RNF222: variants seen among roughly 807,000 people sequenced by gnomAD.
The protein encoded by RNF222 is ring finger protein 222.
A neutral mutation model predicts 10.8 loss-of-function variants in RNF222; 14 were observed. The ratio of observed to expected loss-of-function variants is 1.30; its 90% CI spans 0.86 to 2.03. The LOEUF (loss-of-function observed/expected upper bound fraction) is 2.03, where lower values mean the gene tolerates loss of function less well. Among genes scored for constraint, RNF222 ranks in the 30% most tolerant of loss-of-function variants. The pLI is 0.00. For missense variants in RNF222, 298 were observed against 295.8 expected, an observed-to-expected ratio of 1.01 and a Z score of -0.06; for synonymous variants, 141 against 142.5, an observed-to-expected ratio of 0.99 and a Z score of 0.07.
At position 8,391,131 on chromosome 17, in the gene RNF222, A is replaced by C. The variant is rs915827736; in HGVS notation, c.*1668T>G. ...ACCTCCGCCTCCCGGGTTCAAGCGA[A>C]TCTTCTGTCTCTCCCAGGTAGCTGG... On this transcript the variant is annotated 3_prime_UTR_variant, in exon 3 of 3. Coordinates refer to ENST00000399398, the MANE Select transcript of RNF222 (RefSeq NM_001146684.3). 4 of 151,982 alleles carry C rather than the reference A, an allele frequency of 2.6e-5. No homozygotes were observed. The highest frequency in any genetic ancestry group is 4.4e-5 in the Non-Finnish European group (3 of 68,074). The allele number at this position is 151,982 out of a possible 1,614,324, so 9.4% of individuals were successfully genotyped here.
chr17:8,393,026 C>A lies in RNF222; in HGVS notation c.436G>T (p.Glu146Ter), dbSNP rs1440774595. Residue 146 changes from glutamate to a stop codon, truncating the protein, a stop_gained, in exon 3 of 3, where the codon GAG becomes TAG. Transcript: ENST00000399398. LOFTEE classifies it high-confidence loss of function. ...PLDLLPSLPRESQIFVISRHG... is the reference protein window; with the variant it reads ...PLDLLPSLPR ...CGGCTGATGACAAAGATCTGTGACT[C>A]CCGGGGCAGGCTGGGCAGCAGGTCC... 1.3e-6 allele frequency: 2 copies of A among 1,503,506 alleles called. No individual in the cohort carries two copies. The highest frequency in any genetic ancestry group is 1.7e-4 in the Middle Eastern group (1 of 5,796). The allele number at this position is 1,503,506 out of a possible 1,614,324, so 93.1% of individuals were successfully genotyped here. A position where few individuals can be genotyped will look rare whatever the true frequency, so the allele number is the denominator to read the frequency against.
chr17:8,396,712 C>G (rs1318338800), intron 1 of RNF222, among the ~76,000 whole-genome samples: 1 of 152,210 alleles, frequency 6.6e-6, no homozygotes, highest in Non-Finnish European at 1.5e-5. Context: ...GATGCTACCT[C>G]CTTCCCCACC....
chr17:8,392,675 T>C lies in RNF222; in HGVS notation c.*124A>G. On this transcript the variant is annotated 3_prime_UTR_variant, in exon 3 of 3. Coordinates refer to ENST00000399398, the MANE Select transcript of RNF222 (RefSeq NM_001146684.3). This position sits in a 1 kb window ranked among gnomAD's most constrained non-coding sequence, Gnocchi z 4.3. ...GGTCGGGGAAGCCCAAGGCCCTCTC[T>C]GTGCCCAGGTCCTCCCCTCTGCCTG... 2 of 1,240,866 alleles carry C rather than the reference T, an allele frequency of 1.6e-6. No individual in the cohort carries two copies. Among genetic ancestry groups the C allele is most frequent in the Non-Finnish European group, 2.2e-6 (2 of 925,320 alleles). The allele number at this position is 1,240,866 out of a possible 1,614,324, so 76.9% of individuals were successfully genotyped here.
At chr17:8,393,623 T>A in intron 2 of RNF222, 137 bp from the exon 3 acceptor site, 1 of 1,248,736 alleles carries the variant, frequency 8.0e-7, no homozygotes, top group Non-Finnish European at 1.1e-6. Context: ...CCTCCTACTC[T>A]TGGCTCTTCT....
chr17:8,392,815 A>G lies in RNF222; in HGVS notation c.647T>C (p.Val216Ala). 6.5e-7 allele frequency: 1 copy of G among 1,531,726 alleles called. No homozygotes were observed. Among genetic ancestry groups the G allele is most frequent in the Non-Finnish European group, 8.7e-7 (1 of 1,145,252 alleles). The allele number at this position is 1,531,726 out of a possible 1,614,324, so 94.9% of individuals were successfully genotyped here. A position where few individuals can be genotyped will look rare whatever the true frequency, so the allele number is the denominator to read the frequency against. ...AGGTGCGGCTCACGCCTGCTTCCTC[A>G]CCAGCAGCACCCAGGGCAGGATGGC... ...VAAILPWVLLVRKQA is the reference protein window; with the variant it reads ...VAAILPWVLLARKQA The change falls in exon 3 of 3, where the codon GTG becomes GCG. Residue 216 changes from valine to alanine, a missense_variant. Physicochemically the swap from Val to Ala is moderately conservative, Grantham distance 64 (BLOSUM62 0). Coordinates refer to ENST00000399398, the MANE Select transcript of RNF222 (RefSeq NM_001146684.3). This position sits in a 1 kb window ranked among gnomAD's most constrained non-coding sequence, Gnocchi z 4.3.
intron 1 of RNF222, among the ~76,000 whole-genome samples, chr17:8,395,243 T>A (rs1281265173): frequency 1.3e-5 from 2 of 152,164 alleles, no homozygotes; most frequent in Non-Finnish European, 2.9e-5. Flanking sequence ...GTTTCTAGCT[T>A]TGGTCTTTGA....
Position 8,391,107 on chromosome 17 carries a change from C to G in RNF222, c.*1692G>C, listed in dbSNP as rs2872230. 0.026 allele frequency: 3,963 copies of G among 152,160 alleles called. 79 individuals carry two copies. Among genetic ancestry groups the G allele is most frequent in the East Asian group, 0.066 (340 of 5,166 alleles). 9.4% of individuals were successfully genotyped at this position (152,160 alleles called of 1,614,324 possible). A position where few individuals can be genotyped will look rare whatever the true frequency, so the allele number is the denominator to read the frequency against. ...GTGGCGCGATCTCGGCTCACTGCAA[C>G]CTCCGCCTCCCGGGTTCAAGCGAAT... On this transcript the variant is annotated 3_prime_UTR_variant, in exon 3 of 3. Transcript: ENST00000399398.
rs973629115 is a variant in RNF222, at chr17:8,392,006, C to T, written c.*793G>A. ...GACTCAAGGCTCGCCTGTCAGGCTT[C>T]CCCTCCACTCCCTGCCACCCTTGAG... On this transcript the variant is annotated 3_prime_UTR_variant, in exon 3 of 3. Transcript: ENST00000399398. The surrounding 1 kb of genome is among the most constrained non-coding windows in gnomAD (Gnocchi z 4.3). 1 of 152,280 alleles carries T rather than the reference C, an allele frequency of 6.6e-6. No homozygotes were observed. The highest frequency in any genetic ancestry group is 2.4e-5 in the African/African-American group (1 of 41,432). The allele number at this position is 152,280 out of a possible 1,614,324, so 9.4% of individuals were successfully genotyped here. A position where few individuals can be genotyped will look rare whatever the true frequency, so the allele number is the denominator to read the frequency against.
chr17:8,391,001 C>A lies in RNF222; in HGVS notation c.*1798G>T, dbSNP rs539975363. The A allele has an allele frequency of 2.6e-5, 4 of 152,044 alleles. No homozygotes were observed. The highest frequency in any genetic ancestry group is 5.9e-5 in the Non-Finnish European group (4 of 68,012). 9.4% of individuals were successfully genotyped at this position (152,044 alleles called of 1,614,324 possible). ...CCATGGAATCCATCTGTATCCCTCC[C>A]CTCCAATAGCACCTGTGCTCTTCTG... On this transcript the variant is annotated 3_prime_UTR_variant, in exon 3 of 3. Transcript: ENST00000399398.
At chr17:8,397,046 G>T (rs992565753) in intron 1 of RNF222, among the ~76,000 whole-genome samples, 6 of 152,054 alleles carry the variant, frequency 3.9e-5, no homozygotes, top group African/African-American at 1.5e-4. Context: ...TTACAACAGC[G>T]ACCATTTATT....
chr17:8,391,741 C>G lies in RNF222; in HGVS notation c.*1058G>C, dbSNP rs1426054064. The G allele has an allele frequency of 6.6e-6, 1 of 152,246 alleles. No individual in the cohort carries two copies. Among genetic ancestry groups the G allele is most frequent in the Non-Finnish European group, 1.5e-5 (1 of 68,104 alleles). 9.4% of individuals were successfully genotyped at this position (152,246 alleles called of 1,614,324 possible). ...ACGTGGGGGCCCCAGGCAAAGAGAC[C>G]TTGAGGAGCAGCTGAGGGCACCTGG... On this transcript the variant is annotated 3_prime_UTR_variant, in exon 3 of 3. Coordinates refer to ENST00000399398, the MANE Select transcript of RNF222 (RefSeq NM_001146684.3).
At position 8,392,739 on chromosome 17, in the gene RNF222, C is replaced by A. The variant is rs1907881286; in HGVS notation, c.*60G>T. ...CGGAGCTTGGTGGCACCAGGGCTGCCGTGGGCCTCCTGTCCCACCCCAGGC... is the reference window on the plus strand; with the variant it reads ...CGGAGCTTGGTGGCACCAGGGCTGCAGTGGGCCTCCTGTCCCACCCCAGGC... On this transcript the variant is annotated 3_prime_UTR_variant, in exon 3 of 3. Transcript: ENST00000399398. This position sits in a 1 kb window ranked among gnomAD's most constrained non-coding sequence, Gnocchi z 4.3. 1 of 1,511,634 alleles carries A rather than the reference C, an allele frequency of 6.6e-7. No individual in the cohort carries two copies. Among genetic ancestry groups the A allele is most frequent in the Admixed American group, 2.1e-5 (1 of 47,768 alleles). The allele number at this position is 1,511,634 out of a possible 1,614,324, so 93.6% of individuals were successfully genotyped here. A position where few individuals can be genotyped will look rare whatever the true frequency, so the allele number is the denominator to read the frequency against.
rs922740077 is a variant in RNF222, at chr17:8,394,310, G to C, written c.-158C>G. On this transcript the variant is annotated 5_prime_UTR_variant, in exon 2 of 3. Transcript: ENST00000399398. ...ATGTCTGATACTTTGGAAATGCCCA[G>C]AAGTCACTGGTAGCCAAGTCTGATA... 6.6e-6 allele frequency: 1 copy of C among 152,250 alleles called. No homozygotes were observed. Among genetic ancestry groups the C allele is most frequent in the African/African-American group, 2.4e-5 (1 of 41,470 alleles). 9.4% of individuals were successfully genotyped at this position (152,250 alleles called of 1,614,324 possible).
At chr17:8,397,571 CTCTCTCTCTCTCAATT>C (rs1301069641) in intron 1 of RNF222, 108 bp downstream of exon 1, 3 of 152,062 alleles carry the variant, frequency 2.0e-5, no homozygotes, top group African/African-American at 7.3e-5. Context: ...GTATCTCTTT[CTCTCTCTCTCTCAATT>C]TCTCTCTCTC....
chr17:8,392,535 C>G lies in RNF222; in HGVS notation c.*264G>C. ...GAGCCTGCAGGAGGGCAGTGACCAC[C>G]CATCTTCCCAGCCTAGAGGAAGGGG... On this transcript the variant is annotated 3_prime_UTR_variant, in exon 3 of 3. Transcript: ENST00000399398. This position sits in a 1 kb window ranked among gnomAD's most constrained non-coding sequence, Gnocchi z 4.3. The G allele has an allele frequency of 2.0e-6, 1 of 501,418 alleles. No homozygotes were observed. Among genetic ancestry groups the G allele is most frequent in the Non-Finnish European group, 3.5e-6 (1 of 282,938 alleles). The allele number at this position is 501,418 out of a possible 1,614,324, so 31.1% of individuals were successfully genotyped here.
intron 1 of RNF222, among the ~76,000 whole-genome samples, chr17:8,395,707 T>C (rs1033396436): frequency 3.3e-5 from 5 of 152,242 alleles, no homozygotes; most frequent in African/African-American, 1.2e-4. Flanking sequence ...ATGGATAAGA[T>C]AAGTGATGGG....
rs942136549 is a variant in RNF222, at chr17:8,391,507, A to G, written c.*1292T>C. The G allele has an allele frequency of 6.6e-6, 1 of 151,142 alleles. No individual in the cohort carries two copies. The highest frequency in any genetic ancestry group is 1.5e-5 in the Non-Finnish European group (1 of 67,796). 9.4% of individuals were successfully genotyped at this position (151,142 alleles called of 1,614,324 possible). On this transcript the variant is annotated 3_prime_UTR_variant, in exon 3 of 3. Transcript: ENST00000399398. ...TTCTTCCCTCCCCACCAAGACAGCA[A>G]ATTGCCCAGAGGGGTATAGGTTGAG...
intron 1 of RNF222, among the ~76,000 whole-genome samples, chr17:8,396,893 G>GTT (rs1908055114): frequency 2.0e-5 from 3 of 152,148 alleles, no homozygotes; most frequent in Admixed American, 1.3e-4. Flanking sequence ...TCTAGTTTGA[G>GTT]CACAAACGAG....
chr17:8,393,373 G>A lies in RNF222; in HGVS notation c.89C>T (p.Thr30Met), dbSNP rs531758073. 7.1e-6 allele frequency: 11 copies of A among 1,551,552 alleles called. No individual in the cohort carries two copies. The highest frequency in any genetic ancestry group is 1.2e-5 in the South Asian group (1 of 84,068). ...GCAGAACACATGGCCACAGCTCAGC[G>A]TCCGGCTGGCGCCCTCCAGGTCCCG... ...KFRDLEGASR[T>M]LSCGHVFCHD... The change falls in exon 3 of 3, where the codon ACG becomes ATG. Residue 30 changes from threonine (T) to methionine (M), a missense_variant. Thr to Met is a moderately conservative substitution (Grantham distance 81). Transcript: ENST00000399398.
Sources: gnomAD v4.1 joint callset for allele counts (sites outside exome capture counted in the v4.1 genomes callset) on GRCh38, gnomAD v4.1.1 for gene constraint, Gnocchi (gnomAD v3.1) non-coding constraint, MANE v1.5 for transcripts, NCBI Gene and HGNC (gene_info 2026-07-23, HGNC 2026-07-21) for gene names.